ZNF618: variants seen among roughly 807,000 people sequenced by gnomAD.
ZNF618 encodes zinc finger protein 618, also known as neural precursor cell expressed, developmentally down-regulated 10.
ZNF618 carries 34 observed loss-of-function variants against 103.0 expected under a neutral mutation model. That is an observed-to-expected ratio of 0.33 (90% CI 0.25 to 0.44). ZNF618 has a LOEUF of 0.44. Among genes scored for constraint, ZNF618 ranks in the 20% least tolerant of loss-of-function variants. The pLI, the probability that ZNF618 is intolerant of heterozygous loss-of-function variation, is 1.00. For synonymous variants in ZNF618, 551 were observed against 542.2 expected, an observed-to-expected ratio of 1.02 and a Z score of -0.23; for missense variants, 1,059 against 1,295.4, an observed-to-expected ratio of 0.82 and a Z score of 2.80.
At chr9:113,885,552 A>G (rs1454428843) in intron 1 of ZNF618, among the ~76,000 whole-genome samples, 1 of 152,074 alleles carries the variant, frequency 6.6e-6, no homozygotes, top group Admixed American at 6.5e-5. Flanking sequence ...GGAGTTTGTG[A>G]GTCTTTCACA....
rs1830443107 is a variant in ZNF618 at position 113,900,651 on chromosome 9, C to CTCCT, written c.33+24238_33+24239insTCCT. Among the ~76,000 whole-genome samples the CTCCT allele has an allele frequency of 1.3e-4, 10 of 79,674 alleles. No homozygotes were observed. The South Asian group carries it at 4.3e-3, about 34-fold the overall frequency. 52.3% of individuals were successfully genotyped at this position (79,674 alleles called of 152,430 possible). ...GTCCTCTCCCGCGAACCCGAGCTCC[C>CTCCT]GTCTCCTAGCACCGTCCTCTCCCGC... On this transcript the variant is annotated intron_variant, in intron 1 of 14. Coordinates refer to ENST00000374126, the MANE Select transcript of ZNF618 (RefSeq NM_001318042.2).
At position 114,049,288 on chromosome 9, in the gene ZNF618, C is replaced by T. The variant is rs373121371; in HGVS notation, c.1986C>T (p.Ile662=). The T allele has an allele frequency of 2.2e-5, 35 of 1,612,140 alleles. No individual in the cohort carries two copies. Among genetic ancestry groups the T allele is most frequent in the African/African-American group, 1.1e-4 (8 of 74,932 alleles). ...TLQARSMHEV[I]ELLNVCEDLA... ...AGGCCCGCAGCATGCACGAGGTCAT[C>T]GAGCTGCTCAACGTGTGCGAGGACC... Residue 662 remains isoleucine (I), a synonymous_variant, in exon 15 of 15, where the codon ATC becomes ATT. Coordinates refer to ENST00000374126, the MANE Select transcript of ZNF618 (RefSeq NM_001318042.2).
intron 3 of ZNF618, among the ~76,000 whole-genome samples, chr9:113,991,268 CTG>C (rs367545140): frequency 2.2e-4 from 34 of 152,332 alleles, no homozygotes; most frequent in African/African-American, 8.2e-4. Flanking sequence ...TAGTGTCCTC[CTG>C]TGTTACATGA....
chr9:114,049,526 G>A lies in ZNF618; in HGVS notation c.2224G>A (p.Val742Met), dbSNP rs527742445. 4 of 1,613,674 alleles carry A rather than the reference G, an allele frequency of 2.5e-6. No individual in the cohort carries two copies. In the African/African-American group the frequency reaches 4.0e-5, roughly 16 times the overall value. ...LSNLAAILTP[V>M]KQAVIELSNE... ...CAACCTGGCGGCCATCCTGACGCCG[G>A]TGAAGCAGGCAGTCATCGAGCTGAG... Residue 742 changes from valine (V) to methionine (M), a missense_variant, in exon 15 of 15, where the codon GTG becomes ATG. Physicochemically the swap from Val to Met is conservative, Grantham distance 21. Around this residue, in one of 6 missense-constraint regions of ZNF618, gnomAD observed 272 missense variants for 380.1 expected, o/e 0.72. Coordinates refer to ENST00000374126, the MANE Select transcript of ZNF618 (RefSeq NM_001318042.2).
At chr9:113,947,596 A>G (rs905545202) in intron 1 of ZNF618, among the ~76,000 whole-genome samples, 3 of 152,094 alleles carry the variant, frequency 2.0e-5, no homozygotes, top group African/African-American at 7.2e-5. Context: ...TGTTGAACTG[A>G]ACTGAGCTGA....
chr9:114,053,140 G>C lies in ZNF618; in HGVS notation c.*2973G>C, dbSNP rs768834632. 6.6e-6 allele frequency: 1 copy of C among 152,642 alleles called. No homozygotes were observed. The highest frequency in any genetic ancestry group is 1.5e-5 in the Non-Finnish European group (1 of 68,064). The allele number at this position is 152,642 out of a possible 1,614,324, so 9.5% of individuals were successfully genotyped here. On this transcript the variant is annotated 3_prime_UTR_variant, in exon 15 of 15. Coordinates refer to ENST00000374126, the MANE Select transcript of ZNF618 (RefSeq NM_001318042.2). Reference sequence around the variant, plus strand: ...CCTCTTCTCAGACAGGCTGTTCTCAGAGTGCAAATCCTGCTGCAACTAACA... The same window carrying C: ...CCTCTTCTCAGACAGGCTGTTCTCACAGTGCAAATCCTGCTGCAACTAACA...
rs1188784674 is a variant in ZNF618 at position 113,951,487 on chromosome 9, ATG to A, written c.34-17624_34-17623del. Reference sequence around the variant, plus strand: ...TATATGTGTGTATGTGTACACATATATGTGTGTATGTGTACACATATATGTGT... The same window carrying A: ...TATATGTGTGTATGTGTACACATATATGTGTATGTGTACACATATATGTGT... On this transcript the variant is annotated intron_variant, in intron 1 of 14. Coordinates refer to ENST00000374126, the MANE Select transcript of ZNF618 (RefSeq NM_001318042.2). Among the ~76,000 whole-genome samples, 15 of 46,058 alleles carry A rather than the reference ATG, an allele frequency of 3.3e-4. 2 individuals carry two copies. The highest frequency in any genetic ancestry group is 7.3e-4 in the Admixed American group (3 of 4,124). 30.2% of individuals were successfully genotyped at this position (46,058 alleles called of 152,430 possible). A position where few individuals can be genotyped will look rare whatever the true frequency, so the allele number is the denominator to read the frequency against.
At chr9:114,045,218 A>G (rs143607066) in intron 13 of ZNF618, among the ~76,000 whole-genome samples, 78 of 152,162 alleles carry the variant, frequency 5.1e-4, no homozygotes, top group African/African-American at 1.8e-3. Flanking sequence ...AAGTCCATTC[A>G]TCTATTTTTT....
intron 3 of ZNF618, among the ~76,000 whole-genome samples, chr9:113,993,694 G>A (rs897679414): frequency 1.6e-4 from 25 of 152,228 alleles, no homozygotes; most frequent in Non-Finnish European, 3.2e-4. Flanking sequence ...GCAGGAGACC[G>A]TGGAGGGAAT....
intron 1 of ZNF618, among the ~76,000 whole-genome samples, chr9:113,885,480 G>T (rs1188330544): frequency 6.6e-6 from 1 of 152,232 alleles, no homozygotes; most frequent in African/African-American, 2.4e-5. Flanking sequence ...GCCACAAGAT[G>T]AGTGGGTCCC....
At chr9:114,002,349 A>T (rs1314907335) in intron 5 of ZNF618, among the ~76,000 whole-genome samples, 1 of 152,174 alleles carries the variant, frequency 6.6e-6, no homozygotes, top group African/African-American at 2.4e-5. Flanking sequence ...GCCTCCCAGG[A>T]CATCTCATCA....
intron 7 of ZNF618, among the ~76,000 whole-genome samples, chr9:114,008,104 G>C (rs530965546): frequency 2.0e-5 from 3 of 152,206 alleles, no homozygotes; most frequent in Non-Finnish European, 4.4e-5. Flanking sequence ...CCATGGATGG[G>C]TGCCCATCCT....
At chr9:114,032,825 T>A in intron 12 of ZNF618, 97 bp downstream of exon 12, 1 of 1,076,764 alleles carries the variant, frequency 9.3e-7, no homozygotes, top group Admixed American at 1.7e-5. Context: ...CTGGGGTCTT[T>A]GTGGTGCATT....
intron 2 of ZNF618, among the ~76,000 whole-genome samples, chr9:113,971,060 G>T (rs1837916130): frequency 6.6e-6 from 1 of 150,566 alleles, no homozygotes; most frequent in African/African-American, 2.5e-5. Context: ...GTCATTGGGG[G>T]TGACCCAAGT....
chr9:113,895,346 A>G (rs1587962003), intron 1 of ZNF618, among the ~76,000 whole-genome samples: 1 of 152,112 alleles, frequency 6.6e-6, no homozygotes, highest in Middle Eastern at 3.4e-3. Flanking sequence ...TTTCCCTTTG[A>G]TCTGCCGATG....
intron 7 of ZNF618, among the ~76,000 whole-genome samples, 167 bp downstream of exon 7, chr9:114,007,606 G>A (rs933331725): frequency 2.6e-5 from 4 of 152,164 alleles, no homozygotes; most frequent in Non-Finnish European, 5.9e-5. Context: ...CTGGGGGCGG[G>A]AACGTCACCA....
intron 1 of ZNF618, among the ~76,000 whole-genome samples, chr9:113,920,371 A>G (rs1832528116): frequency 6.6e-6 from 1 of 150,700 alleles, no homozygotes; most frequent in Non-Finnish European, 1.5e-5. Flanking sequence ...ACACAGAAGT[A>G]GATCTTGATT....
chr9:113,903,683 C>T (rs897782621), intron 1 of ZNF618, among the ~76,000 whole-genome samples: 4 of 152,074 alleles, frequency 2.6e-5, no homozygotes, highest in African/African-American at 4.8e-5. Context: ...GATATTTTTG[C>T]TAGCTATAGA....
rs111314958 is a variant in ZNF618, at chr9:114,032,787, C to A, written c.1168+59C>A. 1.2e-5 allele frequency: 18 copies of A among 1,490,116 alleles called. 1 individual carries two copies. The East Asian group carries it at 1.6e-4, about 13-fold the overall frequency. 92.3% of individuals were successfully genotyped at this position (1,490,116 alleles called of 1,614,324 possible). A position where few individuals can be genotyped will look rare whatever the true frequency, so the allele number is the denominator to read the frequency against. ...TAGCTGCCAGCTTCGCCCGCTCCCC[C>A]CTGGCAGCCGCGGCAGCATCCTGTG... On this transcript the variant is annotated intron_variant, in intron 12 of 14. Coordinates refer to ENST00000374126, the MANE Select transcript of ZNF618 (RefSeq NM_001318042.2).
Sources: allele counts gnomAD v4.1 joint callset (sites outside exome capture counted in the v4.1 genomes callset), GRCh38; gene constraint gnomAD v4.1.1; regional missense constraint gnomAD v4.1.1; transcripts MANE v1.5; gene names NCBI Gene and HGNC (gene_info 2026-07-23, HGNC 2026-07-21).